AHNAK2: variants seen among roughly 807,000 people sequenced by gnomAD.
AHNAK2 encodes the protein AHNAK nucleoprotein 2.
AHNAK2 carries 18 observed loss-of-function variants against 30.7 expected under a neutral mutation model. That is an observed-to-expected ratio of 0.59 (90% CI 0.41 to 0.87). AHNAK2 has a LOEUF of 0.87. AHNAK2 is among the 40% of genes least tolerant of loss of function. AHNAK2 has a pLI of 0.00. For synonymous variants in AHNAK2, 3,590 were observed against 3,073.8 expected, an observed-to-expected ratio of 1.17 and a Z score of -5.56; for missense variants, 8,604 against 7,373.0, an observed-to-expected ratio of 1.17 and a Z score of -6.11.
chr14:104,943,951 C>A lies in AHNAK2; in HGVS notation c.11500G>T (p.Glu3834Ter). The A allele has an allele frequency of 6.2e-7, 1 of 1,612,858 alleles. No individual in the cohort carries two copies. Among genetic ancestry groups the A allele is most frequent in the Non-Finnish European group, 8.5e-7 (1 of 1,179,470 alleles). ...ATGGAGGGGAGACTCACATCGGCCT[C>A]CACCTTGGGTGCAGACACGTGCACC... Reference protein sequence around the residue: ...ASVHVSAPKVEADVSLPSMQG... With the variant: ...ASVHVSAPKV The change falls in exon 7 of 7, where the codon GAG becomes TAG. Residue 3834 changes from glutamate to a stop codon, truncating the protein, a stop_gained. Transcript: ENST00000333244. LOFTEE classifies it low-confidence loss of function (END_TRUNC).
chr14:104,950,914 C>G lies in AHNAK2; in HGVS notation c.4537G>C (p.Glu1513Gln), dbSNP rs113252411. ...GGCGCAGACACATCCACTGAGGCCTCGATGGACTTGCCTGGGGCAGACACC... is the reference window on the plus strand; with the variant it reads ...GGCGCAGACACATCCACTGAGGCCTGGATGGACTTGCCTGGGGCAGACACC... ...FGVSAPGKSI[E>Q]ASVDVSAPKV... Residue 1513 changes from glutamate (E) to glutamine (Q), a missense_variant, in exon 7 of 7, where the codon GAG (glutamate) becomes CAG (glutamine). By Grantham distance (29) the Glu-to-Gln change is conservative. Coordinates refer to ENST00000333244, the MANE Select transcript of AHNAK2 (RefSeq NM_138420.4). 5.0e-3 allele frequency: 7,760 copies of G among 1,552,358 alleles called. 913 individuals carry two copies. In the African/African-American group the frequency reaches 0.093, roughly 19 times the overall value.
intron 1 of AHNAK2, among the ~76,000 whole-genome samples, chr14:104,969,504 G>C (rs1899411376): frequency 6.6e-6 from 1 of 152,248 alleles, no homozygotes; most frequent in African/African-American, 2.4e-5. Context: ...TCTGGACACT[G>C]CCGGCTCCCT....
In AHNAK2 at chr14:104,953,303, C is replaced by T. The variant is rs764864591; in HGVS notation, c.2148G>A (p.Gly716=). 12 of 1,613,100 alleles carry T rather than the reference C, an allele frequency of 7.4e-6. No homozygotes were observed. The highest frequency in any genetic ancestry group is 1.0e-5 in the Non-Finnish European group (12 of 1,179,724). The change falls in exon 7 of 7, where the codon GGG becomes GGA. Residue 716 remains glycine (G), a synonymous_variant. Coordinates refer to ENST00000333244, the MANE Select transcript of AHNAK2 (RefSeq NM_138420.4). ...EADVSLLSMQ[G]DLKTTDLSVQ... ...CGCTGAGGTCAGTGGTCTTGAGGTC[C>T]CCCTGCATGGAGAGGAGGCTCACGT... is the stretch of plus-strand genomic sequence containing the variant.
At position 104,946,421 on chromosome 14, in the gene AHNAK2, G is replaced by A. The variant is rs568327538; in HGVS notation, c.9030C>T (p.Ala3010=). 1.8e-4 allele frequency: 297 copies of A among 1,611,452 alleles called. No homozygotes were observed. Among genetic ancestry groups the A allele is most frequent in the Middle Eastern group, 5.0e-4 (3 of 6,046 alleles). ...SVDVSAPKVE[A]EVSLPSMQGD... ...CCTGCATGGAGGGGAGGCTCACTTC[G>A]GCCTCCACCTTCGGCGCAGACACAT... Residue 3010 remains alanine, a synonymous_variant, in exon 7 of 7, where the codon GCC becomes GCT. Coordinates refer to ENST00000333244, the MANE Select transcript of AHNAK2 (RefSeq NM_138420.4).
rs1898179749 is a variant in AHNAK2 at position 104,944,968 on chromosome 14, A to T, written c.10483T>A (p.Ser3495Thr). 1 of 1,612,848 alleles carries T rather than the reference A, an allele frequency of 6.2e-7. No homozygotes were observed. The highest frequency in any genetic ancestry group is 1.3e-5 in the African/African-American group (1 of 74,642). ...VSAPGRSIEA[S>T]LDVSAPKVEA... ...ACCTTCGGCGCAGACACATCCAGCG[A>T]GGCCTCGATGGACCTGCCTGGGGCC... The change falls in exon 7 of 7, where the codon TCG (serine) becomes ACG (threonine). Residue 3495 changes from serine (S) to threonine (T), a missense_variant. Physicochemically the swap from Ser to Thr is moderately conservative, Grantham distance 58 (BLOSUM62 1). Coordinates refer to ENST00000333244, the MANE Select transcript of AHNAK2 (RefSeq NM_138420.4).
Position 104,951,995 on chromosome 14 carries a change from G to C in AHNAK2, c.3456C>G (p.Ala1152=), listed in dbSNP as rs534455193. ...SARLEGELSL[A]DKDVTAKDSR... is the part of the protein sequence containing the mutation. ...TGTCTTTGGCAGTCACATCCTTGTCGGCCAGGGACAGTTCCCCCTCCAGCC... is the reference window on the plus strand; with the variant it reads ...TGTCTTTGGCAGTCACATCCTTGTCCGCCAGGGACAGTTCCCCCTCCAGCC... The change falls in exon 7 of 7, where the codon GCC becomes GCG. Residue 1152 remains alanine, a synonymous_variant. Transcript: ENST00000333244. 178 of 1,611,090 alleles carry C rather than the reference G, an allele frequency of 1.1e-4. 3 individuals carry two copies. Among genetic ancestry groups the C allele is most frequent in the South Asian group, 7.1e-4 (65 of 90,956 alleles).
intron 1 of AHNAK2, among the ~76,000 whole-genome samples, chr14:104,960,442 T>C (rs945627284): frequency 2.6e-5 from 4 of 152,164 alleles, no homozygotes; most frequent in Admixed American, 2.0e-4. Flanking sequence ...TGATTTAAAG[T>C]ATAGGGGAGG....
intron 1 of AHNAK2, among the ~76,000 whole-genome samples, chr14:104,960,475 C>T (rs1218884527): frequency 2.0e-5 from 3 of 152,124 alleles, no homozygotes; most frequent in Non-Finnish European, 4.4e-5. Flanking sequence ...AGGTTATTTG[C>T]AAATACTACA....
At position 104,948,044 on chromosome 14, in the gene AHNAK2, C is replaced by G. The variant is rs1595405584; in HGVS notation, c.7407G>C (p.Leu2469=). 1.2e-6 allele frequency: 2 copies of G among 1,612,820 alleles called. No individual in the cohort carries two copies. The highest frequency in any genetic ancestry group is 1.3e-5 in the African/African-American group (1 of 74,414). ...TAGTCACATCCTTGTCCGCCACAGA[C>G]AGGTCCCCCTCCAGCCACGCACCAT... ...KLDGAWLEGD[L]SVADKDVTTK... is the part of the protein sequence containing the mutation. The change falls in exon 7 of 7, where the codon CTG becomes CTC. Residue 2469 remains leucine (L), a synonymous_variant. Transcript: ENST00000333244.
At position 104,952,806 on chromosome 14, in the gene AHNAK2, C is replaced by T; in HGVS notation, c.2645G>A (p.Ser882Asn). 1.9e-6 allele frequency: 3 copies of T among 1,612,500 alleles called. No homozygotes were observed. The South Asian group carries it at 3.3e-5, about 18-fold the overall frequency. ...MQGDLKATDL[S>N]IQPPSADLEV... ...CAGGTCAGCGGAAGGGGGCTGAATG[C>T]TGAGGTCAGTGGCCTTGAGGTCCCC... Residue 882 changes from serine to asparagine, a missense_variant, in exon 7 of 7, where the codon AGC (serine) becomes AAC (asparagine). Ser to Asn is a conservative substitution (Grantham distance 46, BLOSUM62 1). Coordinates refer to ENST00000333244, the MANE Select transcript of AHNAK2 (RefSeq NM_138420.4).
Position 104,948,437 on chromosome 14 carries a change from C to G in AHNAK2, c.7014G>C (p.Glu2338Asp). ...FGVSALGKSI[E>D]ASADVSALKV... ...TCAACGCAGACACATCCGCTGAGGCCTCGATGGACTTGCCAAGGGCAGACA... is the reference window on the plus strand; with the variant it reads ...TCAACGCAGACACATCCGCTGAGGCGTCGATGGACTTGCCAAGGGCAGACA... The change falls in exon 7 of 7, where the codon GAG becomes GAC. Residue 2338 changes from glutamate to aspartate, a missense_variant. By Grantham distance (45) the Glu-to-Asp change is conservative. Transcript: ENST00000333244. 6.2e-7 allele frequency: 1 copy of G among 1,611,056 alleles called. No homozygotes were observed.
chr14:104,938,856 G>C lies in AHNAK2; in HGVS notation c.16595C>G (p.Ala5532Gly), dbSNP rs760312397. The C allele has an allele frequency of 1.5e-4, 236 of 1,613,810 alleles. No individual in the cohort carries two copies. Among genetic ancestry groups the C allele is most frequent in the Non-Finnish European group, 1.9e-4 (222 of 1,179,908 alleles). ...TTGAGTCATTGTTGTGTACACTCTA[G>C]CCTGCGTGTGGGGCTCTGGGATTTT... ...KVKIPEPHTQ[A>G]RVYTTMTQHS... The change falls in exon 7 of 7, where the codon GCT (alanine) becomes GGT (glycine). Residue 5532 changes from alanine (A) to glycine (G), a missense_variant. Transcript: ENST00000333244.
chr14:104,942,014 G>A lies in AHNAK2; in HGVS notation c.13437C>T (p.Gly4479=), dbSNP rs1367758341. Residue 4479 remains glycine, a synonymous_variant, in exon 7 of 7, where the codon GGC becomes GGT. Transcript: ENST00000333244. Reference sequence around the variant, plus strand: ...CATCCACCGAGACCTCGATGGACTTGCCTGGGGACAACATCCCAAAGGATG... The same window carrying A: ...CATCCACCGAGACCTCGATGGACTTACCTGGGGACAACATCCCAAAGGATG... ...KMPSFGMLSP[G]KSIEVSVDVS... 1 of 1,613,146 alleles carries A rather than the reference G, an allele frequency of 6.2e-7. No individual in the cohort carries two copies. The highest frequency in any genetic ancestry group is 1.3e-5 in the African/African-American group (1 of 74,702).
intron 1 of AHNAK2, among the ~76,000 whole-genome samples, chr14:104,967,173 C>G (rs150186592): frequency 0.014 from 2,127 of 152,328 alleles, 47 homozygotes; most frequent in African/African-American, 0.049. Flanking sequence ...TGAGGCTGCC[C>G]AGAAACCCAG....
Position 104,966,921 on chromosome 14 carries a change from CAT to C in AHNAK2, c.56-9251_56-9250del, listed in dbSNP as rs1156727859. On this transcript the variant is annotated intron_variant, in intron 1 of 6. Transcript: ENST00000333244. This position sits in a 1 kb window ranked among gnomAD's most constrained non-coding sequence, Gnocchi z 4.3. ...GCCGCTCAATCCCCAAGGTGGGTAA[CAT>C]ATGTGAAAACTGAGGCTGGGGGAGG... 2.0e-5 allele frequency among the ~76,000 whole-genome samples: 3 copies of C among 152,328 alleles called. No homozygotes were observed. The highest frequency in any genetic ancestry group is 3.9e-4 in the East Asian group (2 of 5,194).
rs748673382 is a variant in AHNAK2, at chr14:104,940,149, T to C, written c.15302A>G (p.Lys5101Arg). The change falls in exon 7 of 7, where the codon AAA becomes AGA. Residue 5101 changes from lysine to arginine, a missense_variant. Physicochemically the swap from Lys to Arg is conservative, Grantham distance 26. Coordinates refer to ENST00000333244, the MANE Select transcript of AHNAK2 (RefSeq NM_138420.4). The surrounding 1 kb of genome is among the most constrained non-coding windows in gnomAD (Gnocchi z 4.4). The part of the protein sequence containing the change: ...QVHIPSLGFA[K>R]PDLRSSKAKV... Reference sequence around the variant, plus strand: ...GGCCTTGGAGGATCTGAGATCAGGTTTGGCAAAGCCCAAACTGGGAATGTG... The same window carrying C: ...GGCCTTGGAGGATCTGAGATCAGGTCTGGCAAAGCCCAAACTGGGAATGTG... 6.2e-6 allele frequency: 10 copies of C among 1,613,460 alleles called. No homozygotes were observed. The highest frequency in any genetic ancestry group is 6.8e-6 in the Non-Finnish European group (8 of 1,179,884).
At chr14:104,969,190 C>G (rs1217979320) in intron 1 of AHNAK2, among the ~76,000 whole-genome samples, 2 of 152,208 alleles carry the variant, frequency 1.3e-5, no homozygotes, top group Non-Finnish European at 2.9e-5. Flanking sequence ...ACTCAGTCCC[C>G]TAGACCTGGG....
rs76650680 is a variant in AHNAK2, at chr14:104,957,472, G to A, written c.151C>T (p.Arg51Trp). Residue 51 changes from arginine to tryptophan, a missense_variant, in exon 3 of 7, where the codon CGG becomes TGG. Transcript: ENST00000333244. ...TAGACAGGTGAAGACCCCTGCGGCCGTGGTCGAATGCCCTCATCCGCAGGC... is the reference window on the plus strand; with the variant it reads ...TAGACAGGTGAAGACCCCTGCGGCCATGGTCGAATGCCCTCATCCGCAGGC... ...EGPADEGIRP[R>W]PQGSSPVYEY... 0.04 allele frequency: 64,798 copies of A among 1,601,564 alleles called. 1,507 individuals are homozygous for A. Among genetic ancestry groups the A allele is most frequent in the Non-Finnish European group, 0.046 (54,415 of 1,171,964 alleles).
rs1372055812 is a variant in AHNAK2, at chr14:104,939,692, T to C, written c.15759A>G (p.Ala5253=). Residue 5253 remains alanine (A), a synonymous_variant, in exon 7 of 7, where the codon GCA becomes GCG. Transcript: ENST00000333244. ...EAAMSLQLPE[A]DAEVTASESK... Reference sequence around the variant, plus strand: ...TCTCAGAAGCTGTCACTTCTGCATCTGCCTCTGGGAGCTGTAGGGACATAG... The same window carrying C: ...TCTCAGAAGCTGTCACTTCTGCATCCGCCTCTGGGAGCTGTAGGGACATAG... 5 of 1,613,838 alleles carry C rather than the reference T, an allele frequency of 3.1e-6. No individual in the cohort carries two copies. In the African/African-American group the frequency reaches 6.7e-5, roughly 22 times the overall value.
Sources: allele counts gnomAD v4.1 joint callset (sites outside exome capture counted in the v4.1 genomes callset), GRCh38; gene constraint gnomAD v4.1.1; non-coding constraint Gnocchi (gnomAD v3.1); transcripts MANE v1.5; gene names NCBI Gene and HGNC (gene_info 2026-07-23, HGNC 2026-07-21).